The following NAALADL2 variants were observed in gnomAD, a reference collection of about 807,000 sequenced individuals.
NAALADL2 encodes inactive N-acetylated-alpha-linked acidic dipeptidase-like protein 2.
In NAALADL2, 76 loss-of-function variants were observed where a neutral mutation model predicts 87.2. The observed-to-expected ratio is 0.87, with a 90% CI of 0.72 to 1.05. NAALADL2 has a LOEUF of 1.05. Among genes scored for constraint, NAALADL2 ranks in the 50% least tolerant of loss-of-function variants. NAALADL2 has a pLI of 0.00. For missense variants in NAALADL2, 1,089 were observed against 945.8 expected, an observed-to-expected ratio of 1.15 and a Z score of -1.99; for synonymous variants, 354 against 331.0, an observed-to-expected ratio of 1.07 and a Z score of -0.75.
chr3:175,539,749 AT>A (rs1582313333), intron 9 of NAALADL2, among the ~76,000 whole-genome samples: 1 of 152,176 alleles, frequency 6.6e-6, no homozygotes, highest in Admixed American at 6.5e-5. Flanking sequence ...GGACTGAGCA[AT>A]TTTGAGATAG....
At chr3:175,324,356 G>C (rs144001178) in intron 5 of NAALADL2, 31 bp downstream of exon 5, 42 of 1,576,086 alleles carry the variant, frequency 2.7e-5, no homozygotes, top group Middle Eastern at 1.7e-4. Context: ...TATTATACTT[G>C]TAAGTAAGCA....
At chr3:175,385,076 A>G (rs1768215885) in intron 5 of NAALADL2, among the ~76,000 whole-genome samples, 1 of 152,078 alleles carries the variant, frequency 6.6e-6, no homozygotes, top group South Asian at 2.1e-4. Flanking sequence ...TTATTTAATG[A>G]CCATTTAGTA....
intron 12 of NAALADL2, among the ~76,000 whole-genome samples, chr3:175,753,142 G>A (rs915275532): frequency 8.5e-5 from 13 of 152,060 alleles, no homozygotes; most frequent in Admixed American, 3.3e-4. Flanking sequence ...AACATCAAAT[G>A]CCAAAACCTT....
intron 3 of NAALADL2, among the ~76,000 whole-genome samples, chr3:174,830,284 G>A (rs565171910): frequency 0.015 from 2,229 of 149,742 alleles, 51 homozygotes; most frequent in African/African-American, 0.052. Flanking sequence ...ATCTTGAATC[G>A]ATTTTTGTAT....
At chr3:175,742,640 G>A (rs549450012) in intron 12 of NAALADL2, among the ~76,000 whole-genome samples, 72 of 152,186 alleles carry the variant, frequency 4.7e-4, no homozygotes, top group African/African-American at 1.5e-3. Flanking sequence ...CCCATGATCC[G>A]CCCGCCTTGG....
At position 175,807,089 on chromosome 3, in the gene NAALADL2, G is replaced by A. The variant is rs1244045193; in HGVS notation, c.*3886G>A. On this transcript the variant is annotated 3_prime_UTR_variant, in exon 14 of 14. Coordinates refer to ENST00000454872, the MANE Select transcript of NAALADL2 (RefSeq NM_207015.3). ...CATTAAAAGGCAAGTGCACCATTGTGGAATATCATGACGAGTAGGCTTACA... is the reference window on the plus strand; with the variant it reads ...CATTAAAAGGCAAGTGCACCATTGTAGAATATCATGACGAGTAGGCTTACA... 6.6e-6 allele frequency: 1 copy of A among 151,592 alleles called. No homozygotes were observed. Among genetic ancestry groups the A allele is most frequent in the Non-Finnish European group, 1.5e-5 (1 of 67,792 alleles). 9.4% of individuals were successfully genotyped at this position (151,592 alleles called of 1,614,324 possible).
chr3:175,340,351 A>C (rs1021458030), intron 5 of NAALADL2, among the ~76,000 whole-genome samples: 7 of 152,184 alleles, frequency 4.6e-5, no homozygotes, highest in African/African-American at 1.7e-4. Context: ...GGATGACCAG[A>C]TGATTCATAT....
At chr3:174,555,190 C>G (rs2108499053) in intron 2 of NAALADL2, among the ~76,000 whole-genome samples, 1 of 152,258 alleles carries the variant, frequency 6.6e-6, no homozygotes, top group Non-Finnish European at 1.5e-5. Flanking sequence ...AGTTTCATGG[C>G]TGATACCTCT....
intron 1 of NAALADL2, among the ~76,000 whole-genome samples, chr3:175,079,136 T>C (rs1717231374): frequency 6.6e-6 from 1 of 152,212 alleles, no homozygotes; most frequent in East Asian, 1.9e-4. Flanking sequence ...TGAGTGTGAA[T>C]TGGTTTTTTA....
chr3:174,495,376 T>G (rs1268125174), intron 1 of NAALADL2, among the ~76,000 whole-genome samples: 1 of 152,112 alleles, frequency 6.6e-6, no homozygotes, highest in Non-Finnish European at 1.5e-5. Context: ...CCAGTTCAAT[T>G]CAGTTCAAAA....
At chr3:175,791,161 A>G (rs13071369) in intron 13 of NAALADL2, among the ~76,000 whole-genome samples, 6,832 of 152,282 alleles carry the variant, frequency 0.045, 281 homozygotes, top group South Asian at 0.2. Flanking sequence ...ATATGAGGGG[A>G]AAAATGTGCT....
At chr3:175,151,848 G>A (rs1332261229) in intron 2 of NAALADL2, among the ~76,000 whole-genome samples, 1 of 152,098 alleles carries the variant, frequency 6.6e-6, no homozygotes, top group Non-Finnish European at 1.5e-5. Context: ...AATTGTAAAT[G>A]CTAACATTTA....
At chr3:174,847,038 G>C (rs1401306807) in intron 3 of NAALADL2, among the ~76,000 whole-genome samples, 1 of 152,158 alleles carries the variant, frequency 6.6e-6, no homozygotes, top group Non-Finnish European at 1.5e-5. Flanking sequence ...TCTGGAAAAT[G>C]TGTTGGTGGA....
At chr3:174,893,958 T>C (rs1731183788) in intron 1 of NAALADL2, among the ~76,000 whole-genome samples, 1 of 152,198 alleles carries the variant, frequency 6.6e-6, no homozygotes, top group Non-Finnish European at 1.5e-5. Flanking sequence ...ACCCATTGAT[T>C]GGTTGCTTAC....
rs527535688 is a variant in NAALADL2, at chr3:174,720,436, C to T, written c.-114-17205C>T. Among the ~76,000 whole-genome samples, 34 of 151,618 alleles carry T rather than the reference C, an allele frequency of 2.2e-4. No homozygotes were observed. The East Asian group carries it at 6.4e-3, about 29-fold the overall frequency. On this transcript the variant is annotated intron_variant, in intron 2 of 3. Coordinates refer to the NAALADL2 transcript ENST00000434257. ...CAGTCATATGTACATTATATGATAG[C>T]TATATAGAGAGATATAGCTACAGAT...
chr3:174,994,136 G>A (rs953251183), intron 1 of NAALADL2, among the ~76,000 whole-genome samples: 1 of 152,142 alleles, frequency 6.6e-6, no homozygotes, highest in Admixed American at 6.5e-5. Context: ...TTGGGGGAAG[G>A]TGACACTATT....
intron 3 of NAALADL2, chr3:175,235,845 C>T (rs1745746322): frequency 6.6e-6 from 1 of 152,192 alleles, no homozygotes; most frequent in Non-Finnish European, 1.5e-5. Context: ...CATGAAACTA[C>T]AACTTGTATC....
chr3:175,123,945 G>T (rs988366855), intron 2 of NAALADL2, among the ~76,000 whole-genome samples: 1 of 151,790 alleles, frequency 6.6e-6, no homozygotes, highest in East Asian at 1.9e-4. Context: ...TGTAATATTT[G>T]TACTTGCAAA....
intron 11 of NAALADL2, among the ~76,000 whole-genome samples, 169 bp from the exon 12 acceptor site, chr3:175,737,137 A>G (rs530780194): frequency 7.9e-5 from 12 of 152,304 alleles, no homozygotes; most frequent in African/African-American, 1.4e-4. Flanking sequence ...TTATAGAAAG[A>G]TAAAATTAAA....
Sources: allele counts gnomAD v4.1 joint callset (sites outside exome capture counted in the v4.1 genomes callset), GRCh38; gene constraint gnomAD v4.1.1; transcripts MANE v1.5; gene names NCBI Gene and HGNC (gene_info 2026-07-23, HGNC 2026-07-21).